Variants in ALOX12 observed in about 807,000 individuals in gnomAD.
The protein encoded by ALOX12 is polyunsaturated fatty acid lipoxygenase ALOX12.
ALOX12 carries 62 observed loss-of-function variants against 85.5 expected under a neutral mutation model. The ratio of observed to expected loss-of-function variants is 0.73; its 90% CI spans 0.59 to 0.90. The LOEUF (loss-of-function observed/expected upper bound fraction) is 0.90. ALOX12 is among the 40% of genes least tolerant of loss of function. ALOX12 has a pLI of 0.00. For missense variants in ALOX12, 751 were observed against 856.5 expected (o/e 0.88, Z 1.54); for synonymous variants, 299 against 332.7 (o/e 0.90, Z 1.10).
chr17:6,998,704 C>T lies in ALOX12; in HGVS notation c.420-11C>T. The T allele has an allele frequency of 6.2e-7, 1 of 1,613,912 alleles. No individual in the cohort carries two copies. Among genetic ancestry groups the T allele is most frequent in the Non-Finnish European group, 8.5e-7 (1 of 1,179,946 alleles). The stretch of plus-strand genomic sequence containing the variant: ...TGACATCCTTCCTGAAGCTTTGTCC[C>T]CAACTCCTAGCTGGGCCACCTGGAA... On this transcript the variant is annotated splice_polypyrimidine_tract_variant and intron_variant, in intron 3 of 13. Transcript: ENST00000251535.
rs151313411 is a variant in ALOX12 at position 6,998,735 on chromosome 17, G to T, written c.440G>T (p.Gly147Val). Reference protein sequence around the residue: ...QIYCWATWKEGLPLTIAADRK... With the variant: ...QIYCWATWKEVLPLTIAADRK... The stretch of plus-strand genomic sequence containing the variant: ...CCTAGCTGGGCCACCTGGAAGGAAG[G>T]GTTACCCCTGACCATCGCTGCAGAC... The change falls in exon 4 of 14, where the codon GGG (glycine) becomes GTG (valine). Residue 147 changes from glycine (G) to valine (V), a missense_variant. Gly to Val is a moderately radical substitution (Grantham distance 109). Transcript: ENST00000251535. 6.2e-7 allele frequency: 1 copy of T among 1,614,064 alleles called. No individual in the cohort carries two copies. The highest frequency in any genetic ancestry group is 8.5e-7 in the Non-Finnish European group (1 of 1,180,010).
At chr17:7,004,459 TATTAA>T (rs955672243) in intron 8 of ALOX12, among the ~76,000 whole-genome samples, 9 of 146,012 alleles carry the variant, frequency 6.2e-5, no homozygotes, top group African/African-American at 2.2e-4. Flanking sequence ...TTTATTTTAA[TATTAA>T]ATTAAAATTT....
chr17:6,996,099 T>C lies in ALOX12; in HGVS notation c.-19T>C. ...CGCACAGGACCCGGCTCCCCTCGCC[T>C]AAGCTGCTGGGGGGCGCCATGGGCC... On this transcript the variant is annotated 5_prime_UTR_variant, in exon 1 of 14. Transcript: ENST00000251535. 1 of 1,246,122 alleles carries C rather than the reference T, an allele frequency of 8.0e-7. No individual in the cohort carries two copies. The highest frequency in any genetic ancestry group is 1.0e-6 in the Non-Finnish European group (1 of 988,606). 77.2% of individuals were successfully genotyped at this position (1,246,122 alleles called of 1,614,324 possible).
At position 6,998,848 on chromosome 17, in the gene ALOX12, G is replaced by C. The variant is rs1347537631; in HGVS notation, c.542+11G>C. 6.2e-7 allele frequency: 1 copy of C among 1,614,044 alleles called. No homozygotes were observed. The highest frequency in any genetic ancestry group is 1.3e-5 in the African/African-American group (1 of 74,908). On this transcript the variant is annotated intron_variant, in intron 4 of 13. Coordinates refer to ENST00000251535, the MANE Select transcript of ALOX12 (RefSeq NM_000697.3). Reference sequence around the variant, plus strand: ...GACACTGAAGGCAGGGTGAGAAAAAGGCTAGACCTCGGAGTGAAATAAGGG... The same window carrying C: ...GACACTGAAGGCAGGGTGAGAAAAACGCTAGACCTCGGAGTGAAATAAGGG...
In ALOX12 at chr17:6,997,038, G is replaced by C; in HGVS notation, c.337+11G>C. On this transcript the variant is annotated intron_variant, in intron 2 of 13. Coordinates refer to ENST00000251535, the MANE Select transcript of ALOX12 (RefSeq NM_000697.3). ...TGCCCGAGGGCACCGGTGAGCAGGC[G>C]GCGTCGGGGAAGGAGGCACAAGGTC... 6.5e-7 allele frequency: 1 copy of C among 1,528,878 alleles called. No homozygotes were observed. The highest frequency in any genetic ancestry group is 8.8e-7 in the Non-Finnish European group (1 of 1,134,776). The allele number at this position is 1,528,878 out of a possible 1,614,324, so 94.7% of individuals were successfully genotyped here. A position where few individuals can be genotyped will look rare whatever the true frequency, so the allele number is the denominator to read the frequency against.
In ALOX12 at chr17:6,999,423, C is replaced by T. The variant is rs146600638; in HGVS notation, c.764C>T (p.Ser255Leu). 4 of 1,613,988 alleles carry T rather than the reference C, an allele frequency of 2.5e-6. No individual in the cohort carries two copies. The highest frequency in any genetic ancestry group is 3.4e-6 in the Non-Finnish European group (4 of 1,179,986). The stretch of plus-strand genomic sequence containing the variant: ...CTGCCCTCCAGGCTAGTGCTGCCCT[C>T]GGGGATGGAAGAGCTTCAGGCTCAA... ...TSLPSRLVLP[S>L]GMEELQAQLE... Residue 255 changes from serine to leucine, a missense_variant, in exon 6 of 14, where the codon TCG becomes TTG. Coordinates refer to ENST00000251535, the MANE Select transcript of ALOX12 (RefSeq NM_000697.3).
intron 3 of ALOX12, 27 bp from the exon 4 acceptor site, chr17:6,998,688 T>C (rs1908564947): frequency 1.2e-6 from 2 of 1,611,576 alleles, no homozygotes; most frequent in East Asian, 2.2e-5. Context: ...ATGACATCCT[T>C]CCTGAAGCTT....
chr17:6,996,349 C>A, intron 1 of ALOX12, 97 bp downstream of exon 1: 3 of 1,193,804 alleles, frequency 2.5e-6, no homozygotes, highest in Non-Finnish European at 3.1e-6. Context: ...AGGCTGGGGG[C>A]GAGGTGACAG....
intron 11 of ALOX12, 24 bp from the exon 12 acceptor site, chr17:7,009,723 A>G (rs1909287917): frequency 1.9e-6 from 3 of 1,593,864 alleles, no homozygotes. Context: ...TGTAGCTTCT[A>G]ACTGCTATTC....
In ALOX12 at chr17:7,000,628, T is replaced by G; in HGVS notation, c.951+149T>G. 1.2e-6 allele frequency: 1 copy of G among 853,230 alleles called. No homozygotes were observed. Among genetic ancestry groups the G allele is most frequent in the Non-Finnish European group, 1.8e-6 (1 of 561,584 alleles). 52.9% of individuals were successfully genotyped at this position (853,230 alleles called of 1,614,324 possible). ...GTCACTATTTGCCTGTACCCTCGTC[T>G]CCCCTGCCTCATCCAACTAGAATTA... On this transcript the variant is annotated intron_variant, in intron 7 of 13. Transcript: ENST00000251535. This position sits in a 1 kb window ranked among gnomAD's most constrained non-coding sequence, Gnocchi z 4.6.
chr17:6,998,425 CG>C, intron 2 of ALOX12, 83 bp from the exon 3 acceptor site: 1 of 890,966 alleles, frequency 1.1e-6, no homozygotes, highest in East Asian at 2.5e-5. Context: ...ACATGGAATA[CG>C]GCTAACCACA....
chr17:6,999,699 G>T, intron 6 of ALOX12: 1 of 506,038 alleles, frequency 2.0e-6, no homozygotes, highest in East Asian at 3.5e-5. Context: ...GGCTGGAGAT[G>T]TTAGCAGGAA....
At chr17:7,006,163 T>A in intron 10 of ALOX12, 136 bp downstream of exon 10, 1 of 790,884 alleles carries the variant, frequency 1.3e-6, no homozygotes, top group Non-Finnish European at 1.9e-6. Flanking sequence ...TGAGGAAAAG[T>A]GAGGACACAG....
At chr17:6,997,480 C>T (rs1908504037) in intron 2 of ALOX12, among the ~76,000 whole-genome samples, 1 of 151,410 alleles carries the variant, frequency 6.6e-6, no homozygotes, top group Non-Finnish European at 1.5e-5. Flanking sequence ...TGGAATAACA[C>T]GGAAGACACC....
In ALOX12 at chr17:6,999,064, G is replaced by T; in HGVS notation, c.646+8G>T. The T allele has an allele frequency of 6.2e-7, 1 of 1,611,736 alleles. No homozygotes were observed. Among genetic ancestry groups the T allele is most frequent in the Non-Finnish European group, 8.5e-7 (1 of 1,178,556 alleles). ...AGAAGAGTGCCCTGGCTGGTCAGTGGTTCCCCGAGGTCTCCATAATCCCTT... is the reference window on the plus strand; with the variant it reads ...AGAAGAGTGCCCTGGCTGGTCAGTGTTTCCCCGAGGTCTCCATAATCCCTT... On this transcript the variant is annotated splice_region_variant and intron_variant, in intron 5 of 13. Transcript: ENST00000251535.
Position 6,998,493 on chromosome 17 carries a change from C to T in ALOX12, c.338-16C>T. On this transcript the variant is annotated splice_polypyrimidine_tract_variant and intron_variant, in intron 2 of 13. Coordinates refer to ENST00000251535, the MANE Select transcript of ALOX12 (RefSeq NM_000697.3). ...CAGACAGAGCCGTGAGGCCAATTGT[C>T]TTGATGTCTCCCCAGCCCGCCTGCC... The T allele has an allele frequency of 1.9e-6, 3 of 1,595,198 alleles. No individual in the cohort carries two copies. The highest frequency in any genetic ancestry group is 1.7e-6 in the Non-Finnish European group (2 of 1,164,210).
chr17:7,010,405 G>A lies in ALOX12; in HGVS notation c.1974G>A (p.Glu658=), dbSNP rs184292394. The change falls in exon 14 of 14, where the codon GAG becomes GAA. Residue 658 remains glutamate, a synonymous_variant. Coordinates refer to ENST00000251535, the MANE Select transcript of ALOX12 (RefSeq NM_000697.3). ...PYEYLKPSCI[E]NSVTI is the part of the protein sequence containing the mutation. The stretch of plus-strand genomic sequence containing the variant: ...AATATCTGAAGCCCAGCTGCATAGA[G>A]AACAGTGTCACCATCTGAGCCCTAG... 9.9e-6 allele frequency: 16 copies of A among 1,614,132 alleles called. No individual in the cohort carries two copies. In the Middle Eastern group the frequency reaches 6.6e-4, roughly 67 times the overall value.
In ALOX12 at chr17:7,005,264, T is replaced by A; in HGVS notation, c.1169T>A (p.Ile390Asn). 6.2e-7 allele frequency: 1 copy of A among 1,613,324 alleles called. No homozygotes were observed. The highest frequency in any genetic ancestry group is 8.5e-7 in the Non-Finnish European group (1 of 1,179,504). The change falls in exon 9 of 14, where the codon ATC (isoleucine) becomes AAC (asparagine). Residue 390 changes from isoleucine to asparagine, a missense_variant. Coordinates refer to ENST00000251535, the MANE Select transcript of ALOX12 (RefSeq NM_000697.3). ...CAATCTCCTCCTCTCCAGTTCCTGA[T>A]CCCCCATATCCGCTACACCATGGAA... is the stretch of plus-strand genomic sequence containing the variant. Reference protein sequence around the residue: ...PGLHPIFKFLIPHIRYTMEIN... With the variant: ...PGLHPIFKFLNPHIRYTMEIN...
rs531141172 is a variant in ALOX12 at position 6,996,780 on chromosome 17, A to C, written c.136-46A>C. The C allele has an allele frequency of 3.8e-6, 6 of 1,563,770 alleles. No individual in the cohort carries two copies. In the African/African-American group the frequency reaches 6.8e-5, roughly 18 times the overall value. The stretch of plus-strand genomic sequence containing the variant: ...GCGGCTCTGTCCTCGAAACGGCCTC[A>C]GTCGGGTCCCTCCTACTAAGTCTGG... On this transcript the variant is annotated intron_variant, in intron 1 of 13. Coordinates refer to ENST00000251535, the MANE Select transcript of ALOX12 (RefSeq NM_000697.3).
Sources: allele counts gnomAD v4.1 joint callset (sites outside exome capture counted in the v4.1 genomes callset), GRCh38; gene constraint gnomAD v4.1.1; non-coding constraint Gnocchi (gnomAD v3.1); transcripts MANE v1.5; gene names NCBI Gene and HGNC (gene_info 2026-07-23, HGNC 2026-07-21).